CRIM1: variants seen among roughly 807,000 people sequenced by gnomAD.
CRIM1 encodes the protein cysteine-rich motor neuron 1 protein.
CRIM1 carries 32 observed loss-of-function variants against 116.4 expected under a neutral mutation model. The ratio of observed to expected loss-of-function variants is 0.27; its 90% confidence interval spans 0.21 to 0.37. CRIM1 has a LOEUF of 0.37. Among genes scored for constraint, CRIM1 ranks in the 10% least tolerant of loss-of-function variants. The probability of loss-of-function intolerance (pLI) is 1.00; values close to 1 mark genes in which losing one functional copy is unlikely to be tolerated. For synonymous variants in CRIM1, 590 were observed against 509.2 expected (o/e 1.16, Z -2.13); for missense variants, 1,331 against 1,354.8 (o/e 0.98, Z 0.28).
At chr2:36,466,122 G>A (rs370645087) in intron 5 of CRIM1, among the ~76,000 whole-genome samples, 6 of 151,956 alleles carry the variant, frequency 3.9e-5, no homozygotes, top group East Asian at 1.9e-4. Context: ...TCCTGCCCTC[G>A]TGATCCACCC....
chr2:36,459,103 G>A (rs1057434805), intron 4 of CRIM1, among the ~76,000 whole-genome samples: 1 of 151,586 alleles, frequency 6.6e-6, no homozygotes, highest in Non-Finnish European at 1.5e-5. Context: ...TTTTTTTTTA[G>A]TGGAAAGTAC....
rs565967892 is a variant in CRIM1, at chr2:36,386,159, A to G, written c.332-10455A>G. 2.0e-4 allele frequency among the ~76,000 whole-genome samples: 30 copies of G among 152,318 alleles called. No individual in the cohort carries two copies. In the South Asian group the frequency reaches 5.8e-3, roughly 29 times the overall value. On this transcript the variant is annotated intron_variant, in intron 1 of 16. Transcript: ENST00000280527. ...CAGATTTTAGGTTAGAGCATCCATT[A>G]ATATTTATAAAATGGTACTGTGCAT... is the stretch of plus-strand genomic sequence containing the variant.
chr2:36,414,030 T>A (rs986949254), intron 2 of CRIM1, among the ~76,000 whole-genome samples: 4 of 152,148 alleles, frequency 2.6e-5, no homozygotes, highest in African/African-American at 9.7e-5. Context: ...ATCCAATAGG[T>A]TTCTGTGTAT....
At chr2:36,421,682 A>T (rs1674078336) in intron 2 of CRIM1, among the ~76,000 whole-genome samples, 1 of 152,232 alleles carries the variant, frequency 6.6e-6, no homozygotes, top group Admixed American at 6.5e-5. Context: ...TCTCAAAAAA[A>T]TTTTAAAATC....
intron 1 of CRIM1, among the ~76,000 whole-genome samples, chr2:36,380,317 C>G (rs1420468434): frequency 6.6e-6 from 1 of 152,162 alleles, no homozygotes; most frequent in Non-Finnish European, 1.5e-5. Flanking sequence ...GAGTGGTACT[C>G]TTGTGTCAGA....
At chr2:36,388,630 G>T (rs1296249074) in intron 1 of CRIM1, among the ~76,000 whole-genome samples, 1 of 152,134 alleles carries the variant, frequency 6.6e-6, no homozygotes, top group Non-Finnish European at 1.5e-5. Context: ...CCTGGGCCAA[G>T]GTCCTCTCCA....
At chr2:36,403,046 C>T (rs1408842296) in intron 2 of CRIM1, among the ~76,000 whole-genome samples, 1 of 152,088 alleles carries the variant, frequency 6.6e-6, no homozygotes, top group Non-Finnish European at 1.5e-5. Flanking sequence ...AAGTTATAAC[C>T]TCATCAGGAG....
intron 7 of CRIM1, among the ~76,000 whole-genome samples, chr2:36,484,447 G>A (rs1388232307): frequency 6.6e-6 from 1 of 152,032 alleles, no homozygotes; most frequent in Non-Finnish European, 1.5e-5. Flanking sequence ...GTGATTGAAG[G>A]TAAGATAAGG....
rs746967732 is a variant in CRIM1 at position 36,493,093 on chromosome 2, A to AT, written c.1373-6120dup. On this transcript the variant is annotated intron_variant, in intron 7 of 16. Coordinates refer to ENST00000280527, the MANE Select transcript of CRIM1 (RefSeq NM_016441.3). ...TTTATCTTAATACTTCCACCTGAGT[A>AT]TTTTTTCACTTGTAAAGAAATGTAA... 2.2e-3 allele frequency among the ~76,000 whole-genome samples: 329 copies of AT among 152,202 alleles called. 2 individuals are homozygous for AT. The highest frequency in any genetic ancestry group is 7.7e-3 in the Admixed American group (117 of 15,280).
rs546166244 is a variant in CRIM1, at chr2:36,441,721, C to T, written c.748+221C>T. On this transcript the variant is annotated intron_variant, in intron 3 of 16. Coordinates refer to ENST00000280527, the MANE Select transcript of CRIM1 (RefSeq NM_016441.3). ...TACATAAGCGCCTTCGGAGAGCGAG[C>T]GTGTCTTTTCCTCTTTTCTTCTTTT... is the stretch of plus-strand genomic sequence containing the variant. Among the ~76,000 whole-genome samples the T allele has an allele frequency of 2.0e-5, 3 of 152,220 alleles. 1 individual carries two copies. The highest frequency in any genetic ancestry group is 4.1e-4 in the South Asian group (2 of 4,820).
intron 11 of CRIM1, among the ~76,000 whole-genome samples, chr2:36,516,416 T>A (rs2125119517): frequency 6.6e-6 from 1 of 152,330 alleles, no homozygotes; most frequent in East Asian, 1.9e-4. Flanking sequence ...GTCTTCATAC[T>A]TCTCATTTCC....
chr2:36,422,580 T>G (rs1346016522), intron 2 of CRIM1, among the ~76,000 whole-genome samples: 1 of 152,218 alleles, frequency 6.6e-6, no homozygotes, highest in Non-Finnish European at 1.5e-5. Flanking sequence ...TAATTTACCA[T>G]TGCAGAAGGG....
rs78501896 is a variant in CRIM1 at position 36,439,342 on chromosome 2, G to A, written c.506-1916G>A. ...TCTCCTTCCTCCCCAGATATTGTGT[G>A]CCTTCCTGTTGTTGCCCAGGTTCCC... is the stretch of plus-strand genomic sequence containing the variant. On this transcript the variant is annotated intron_variant, in intron 2 of 16. Transcript: ENST00000280527. Among the ~76,000 whole-genome samples the A allele has an allele frequency of 3.0e-3, 456 of 152,284 alleles. 3 individuals carry two copies. Among genetic ancestry groups the A allele is most frequent in the Non-Finnish European group, 5.1e-3 (347 of 68,026 alleles).
At chr2:36,381,084 A>G (rs886502777) in intron 1 of CRIM1, among the ~76,000 whole-genome samples, 5 of 152,228 alleles carry the variant, frequency 3.3e-5, no homozygotes, top group African/African-American at 1.2e-4. Flanking sequence ...TTTCCCTGCC[A>G]GCCTCCCTGC....
chr2:36,471,577 ATTG>A (rs1362985077), intron 5 of CRIM1, among the ~76,000 whole-genome samples: 1 of 152,150 alleles, frequency 6.6e-6, no homozygotes, highest in African/African-American at 2.4e-5. Context: ...AGGAATGTAT[ATTG>A]TTTTTTAGAC....
At chr2:36,520,730 C>T (rs1665331701) in intron 12 of CRIM1, among the ~76,000 whole-genome samples, 1 of 152,162 alleles carries the variant, frequency 6.6e-6, no homozygotes. Flanking sequence ...AATGAAGTAA[C>T]TGCCTTGGTC....
chr2:36,372,743 G>A (rs1015428281), intron 1 of CRIM1, among the ~76,000 whole-genome samples: 2 of 152,194 alleles, frequency 1.3e-5, no homozygotes, highest in Non-Finnish European at 2.9e-5. Flanking sequence ...TGTTGATAAT[G>A]TTAGTGTATG....
intron 13 of CRIM1, among the ~76,000 whole-genome samples, chr2:36,527,790 C>T (rs549347445): frequency 4.6e-5 from 7 of 152,242 alleles, no homozygotes; most frequent in East Asian, 3.9e-4. Context: ...CTTAATGTTA[C>T]GCATTTCGAA....
intron 3 of CRIM1, 101 bp downstream of exon 3, chr2:36,441,601 C>A (rs922439271): frequency 4.2e-5 from 61 of 1,436,670 alleles, no homozygotes; most frequent in Middle Eastern, 2.3e-4. Flanking sequence ...CGAAGATGGG[C>A]CTTCTCACCG....
Sources: gnomAD v4.1 joint callset for allele counts (sites outside exome capture counted in the v4.1 genomes callset) on GRCh38, gnomAD v4.1.1 for gene constraint, MANE v1.5 for transcripts, NCBI Gene and HGNC (gene_info 2026-07-23, HGNC 2026-07-21) for gene names.